Variants in CALN1 observed in about 807,000 individuals in gnomAD.
CALN1 encodes the protein calneuron 1.
A neutral mutation model predicts 30.6 loss-of-function variants in CALN1; 17 were observed. The ratio of observed to expected loss-of-function variants is 0.56; its 90% CI spans 0.38 to 0.83. CALN1 has a LOEUF of 0.83. CALN1 is among the 40% of genes least tolerant of loss of function. The probability of loss-of-function intolerance (pLI) is 0.00; values close to 1 mark genes in which losing one functional copy is unlikely to be tolerated. For missense variants in CALN1, 291 were observed against 354.9 expected, an observed-to-expected ratio of 0.82 and a Z score of 1.45; for synonymous variants, 156 against 131.4, an observed-to-expected ratio of 1.19 and a Z score of -1.28.
intron 3 of CALN1, among the ~76,000 whole-genome samples, chr7:72,197,443 A>C (rs1447715997): frequency 6.6e-6 from 1 of 151,914 alleles, no homozygotes; most frequent in African/African-American, 2.4e-5. Flanking sequence ...CTCGTGATCC[A>C]TCTGCCTTGG....
chr7:72,112,717 C>T (rs75658266), intron 3 of CALN1, among the ~76,000 whole-genome samples: 65 of 152,290 alleles, frequency 4.3e-4, no homozygotes, highest in African/African-American at 1.6e-3. Flanking sequence ...TTGCTGTTTA[C>T]TTATATGTCA....
chr7:72,174,346 T>C (rs767648835), intron 3 of CALN1, among the ~76,000 whole-genome samples: 1 of 152,030 alleles, frequency 6.6e-6, no homozygotes, highest in Non-Finnish European at 1.5e-5. Context: ...AAGTCAAATA[T>C]CCATCTATCA....
chr7:72,050,874 C>T (rs886759607), intron 4 of CALN1, among the ~76,000 whole-genome samples: 1 of 151,854 alleles, frequency 6.6e-6, no homozygotes, highest in Non-Finnish European at 1.5e-5. Context: ...ATGGTATAAT[C>T]CCAGCTACTT....
At chr7:71,940,909 G>C (rs1310001113) in intron 5 of CALN1, among the ~76,000 whole-genome samples, 1 of 152,148 alleles carries the variant, frequency 6.6e-6, no homozygotes, top group Non-Finnish European at 1.5e-5. Flanking sequence ...ACTGCACCCA[G>C]CCTATAGTTC....
At chr7:72,079,390 G>C in intron 4 of CALN1, among the ~76,000 whole-genome samples, 1 of 152,126 alleles carries the variant, frequency 6.6e-6, no homozygotes. Context: ...GTGTTAATTT[G>C]ACCAGGTCTT....
At chr7:71,978,506 C>CCT (rs1798223239) in intron 5 of CALN1, among the ~76,000 whole-genome samples, 1 of 151,924 alleles carries the variant, frequency 6.6e-6, no homozygotes, top group Non-Finnish European at 1.5e-5. Context: ...GATCTCCTGA[C>CCT]CTCGTGATCC....
intron 6 of CALN1, among the ~76,000 whole-genome samples, chr7:71,804,868 A>G (rs1472486974): frequency 1.3e-5 from 2 of 152,230 alleles, no homozygotes; most frequent in Non-Finnish European, 2.9e-5. Flanking sequence ...AGGCCGAGGC[A>G]GGAGAATTGC....
At chr7:71,825,355 C>T (rs939664552) in intron 5 of CALN1, among the ~76,000 whole-genome samples, 1 of 152,152 alleles carries the variant, frequency 6.6e-6, no homozygotes, top group Non-Finnish European at 1.5e-5. Flanking sequence ...GTGAATAAGT[C>T]TCATGAGATC....
chr7:71,833,568 C>T (rs2116435149), intron 5 of CALN1, among the ~76,000 whole-genome samples: 1 of 115,900 alleles, frequency 8.6e-6, no homozygotes, highest in South Asian at 3.1e-4. Context: ...CAGGATATAA[C>T]ATGGTAAAGA....
intron 3 of CALN1, among the ~76,000 whole-genome samples, chr7:72,276,276 C>T (rs1407331711): frequency 2.0e-5 from 3 of 152,176 alleles, no homozygotes; most frequent in Non-Finnish European, 4.4e-5. Context: ...CATTAATGTA[C>T]CACCTGCCCT....
chr7:72,479,182 T>G, the CALN1 span, among the ~76,000 whole-genome samples: 6 of 152,180 alleles, frequency 3.9e-5, no homozygotes, highest in Non-Finnish European at 5.9e-5. Flanking sequence ...GCCGGGACCA[T>G]GAACCACTTC....
At chr7:72,265,902 G>A (rs1356075393) in intron 3 of CALN1, among the ~76,000 whole-genome samples, 1 of 152,090 alleles carries the variant, frequency 6.6e-6, no homozygotes, top group Non-Finnish European at 1.5e-5. Flanking sequence ...GGGAGGCCAA[G>A]GAGGGAGGAT....
chr7:72,461,139 G>GAAGGGTACA, the CALN1 span, among the ~76,000 whole-genome samples: 1 of 152,082 alleles, frequency 6.6e-6, no homozygotes. Flanking sequence ...CCGGACCCAC[G>GAAGGGTACA]AAGGGTACAA....
chr7:72,273,738 T>C (rs1041398062), intron 3 of CALN1, among the ~76,000 whole-genome samples: 11 of 151,838 alleles, frequency 7.2e-5, no homozygotes, highest in Non-Finnish European at 1.3e-4. Context: ...CTCCAACTCC[T>C]AGGCTCAAGT....
At chr7:72,144,218 A>G (rs890664478) in intron 3 of CALN1, among the ~76,000 whole-genome samples, 9 of 152,200 alleles carry the variant, frequency 5.9e-5, no homozygotes, top group African/African-American at 1.9e-4. Context: ...AGTGTGCTGT[A>G]TTCAGGAAAC....
At chr7:72,461,823 C>T in the CALN1 span, among the ~76,000 whole-genome samples, 5 of 152,130 alleles carry the variant, frequency 3.3e-5, no homozygotes, top group Admixed American at 3.3e-4. Flanking sequence ...GCCTGGCCAA[C>T]ATGGCAAAAC....
At position 71,988,104 on chromosome 7, in the gene CALN1, C is replaced by G. The variant is rs137927530; in HGVS notation, c.501+35553G>C. On this transcript the variant is annotated intron_variant, in intron 5 of 6. Coordinates refer to ENST00000395275, the MANE Select transcript of CALN1 (RefSeq NM_031468.4). ...CAAGGATGGCCATCTTCATCATCAT[C>G]ATCATCACCACCATCATTGTCGTCA... Among the ~76,000 whole-genome samples the G allele has an allele frequency of 2.0e-5, 3 of 152,286 alleles. No homozygotes were observed. In the East Asian group the frequency reaches 5.8e-4, roughly 29 times the overall value.
intron 4 of CALN1, among the ~76,000 whole-genome samples, chr7:72,052,771 C>T (rs1802917893): frequency 6.6e-6 from 1 of 152,204 alleles, no homozygotes; most frequent in Non-Finnish European, 1.5e-5. Context: ...GACAGGGTGA[C>T]TCAATGAGCC....
At chr7:72,234,462 T>C (rs531282492) in intron 3 of CALN1, among the ~76,000 whole-genome samples, 2 of 152,294 alleles carry the variant, frequency 1.3e-5, no homozygotes, top group East Asian at 1.9e-4. Flanking sequence ...TTTTTGTTTT[T>C]TTGAGATGGA....
Sources: allele counts gnomAD v4.1 joint callset (sites outside exome capture counted in the v4.1 genomes callset), GRCh38; gene constraint gnomAD v4.1.1; transcripts MANE v1.5; gene names NCBI Gene and HGNC (gene_info 2026-07-23, HGNC 2026-07-21).